Variants in DLG2 observed in about 807,000 individuals in gnomAD.
The protein encoded by DLG2 is disks large homolog 2.
DLG2 carries 45 observed loss-of-function variants against 132.5 expected under a neutral mutation model. That is an observed-to-expected ratio of 0.34 (90% CI 0.27 to 0.44). DLG2 has a LOEUF of 0.44. Among genes scored for constraint, DLG2 ranks in the 20% least tolerant of loss-of-function variants. The pLI, the probability that DLG2 is intolerant of heterozygous loss-of-function variation, is 1.00. For missense variants in DLG2, 1,045 were observed against 1,196.9 expected (o/e 0.87, Z 1.87); for synonymous variants, 424 against 419.6 (o/e 1.01, Z -0.13).
At chr11:83,483,067 A>C (rs1396819879) in intron 22 of DLG2, among the ~76,000 whole-genome samples, 2 of 152,154 alleles carry the variant, frequency 1.3e-5, no homozygotes, top group Non-Finnish European at 2.9e-5. Context: ...TTTGCTTTTA[A>C]ATGCTGACAT....
intron 9 of DLG2, among the ~76,000 whole-genome samples, chr11:84,153,066 G>A (rs1366390038): frequency 6.6e-6 from 1 of 152,110 alleles, no homozygotes; most frequent in Non-Finnish European, 1.5e-5. Flanking sequence ...ACGCTTGTCT[G>A]GAAAGGATTT....
At chr11:84,974,390 G>A (rs925537739) in intron 6 of DLG2, among the ~76,000 whole-genome samples, 1 of 152,158 alleles carries the variant, frequency 6.6e-6, no homozygotes, top group Non-Finnish European at 1.5e-5. Flanking sequence ...CTATTAATGT[G>A]ATCTTAGGTA....
intron 6 of DLG2, among the ~76,000 whole-genome samples, chr11:85,060,892 T>C (rs1019876710): frequency 2.6e-5 from 4 of 151,460 alleles, no homozygotes; most frequent in Non-Finnish European, 5.9e-5. Flanking sequence ...TTGTTTTGTT[T>C]TTGGTTTTGC....
At chr11:83,830,932 TG>T (rs2054313663) in intron 17 of DLG2, among the ~76,000 whole-genome samples, 1 of 152,216 alleles carries the variant, frequency 6.6e-6, no homozygotes, top group East Asian at 1.9e-4. Context: ...AATGACAAAG[TG>T]GTCCGCAAGT....
At chr11:84,251,114 A>C in intron 8 of DLG2, 124 bp downstream of exon 8, 1 of 552,348 alleles carries the variant, frequency 1.8e-6, no homozygotes, top group Non-Finnish European at 3.0e-6. Context: ...AAAATTTACA[A>C]AACTACATGT....
At chr11:85,073,082 A>G (rs1017083341) in intron 6 of DLG2, among the ~76,000 whole-genome samples, 2 of 151,890 alleles carry the variant, frequency 1.3e-5, no homozygotes, top group Admixed American at 1.3e-4. Flanking sequence ...GCCAAAACAC[A>G]TTTTATCATA....
chr11:83,746,326 T>C (rs986770785), intron 18 of DLG2, among the ~76,000 whole-genome samples: 19 of 152,166 alleles, frequency 1.2e-4, no homozygotes, highest in Non-Finnish European at 2.4e-4. Context: ...TGGAACCAAC[T>C]CAAATGTCCA....
At chr11:84,824,915 G>A (rs2078150192) in intron 6 of DLG2, among the ~76,000 whole-genome samples, 1 of 151,844 alleles carries the variant, frequency 6.6e-6, no homozygotes, top group African/African-American at 2.4e-5. Flanking sequence ...TTAAGCATTT[G>A]TTCTCCACGA....
At chr11:85,165,180 G>A (rs1037603556) in intron 4 of DLG2, among the ~76,000 whole-genome samples, 2 of 152,192 alleles carry the variant, frequency 1.3e-5, no homozygotes, top group African/African-American at 4.8e-5. Flanking sequence ...AACAAGTGCA[G>A]TCTCTAGTCA....
chr11:83,616,452 C>T (rs1355132794), intron 19 of DLG2, among the ~76,000 whole-genome samples: 1 of 152,022 alleles, frequency 6.6e-6, no homozygotes, highest in East Asian at 1.9e-4. Context: ...TTTACATATC[C>T]TCTTTTAAGA....
chr11:83,601,507 G>GTTTTT (rs1365389170), intron 19 of DLG2, among the ~76,000 whole-genome samples: 2 of 51,398 alleles, frequency 3.9e-5, no homozygotes, highest in African/African-American at 7.4e-5. Context: ...AATATGTGAT[G>GTTTTT]TTCTTTTTTT....
At chr11:84,037,051 C>T (rs893530049) in intron 11 of DLG2, among the ~76,000 whole-genome samples, 1 of 152,084 alleles carries the variant, frequency 6.6e-6, no homozygotes, top group African/African-American at 2.4e-5. Context: ...GGTAGAAATA[C>T]ATATGACAGA....
In DLG2 at chr11:84,198,541, G is replaced by A. The variant is rs1030649943; in HGVS notation, c.574-35030C>T. Reference sequence around the variant, plus strand: ...TACTATTACAATGTTATATTTACCAGGTAATGTAATGTCAAAATACCAAAA... The same window carrying A: ...TACTATTACAATGTTATATTTACCAAGTAATGTAATGTCAAAATACCAAAA... On this transcript the variant is annotated intron_variant, in intron 8 of 27. Transcript: ENST00000376104. 3.3e-5 allele frequency among the ~76,000 whole-genome samples: 5 copies of A among 152,096 alleles called. 1 individual carries two copies. Among genetic ancestry groups the A allele is most frequent in the African/African-American group, 1.2e-4 (5 of 41,434 alleles).
intron 7 of DLG2, among the ~76,000 whole-genome samples, chr11:84,467,467 T>C (rs935716280): frequency 6.6e-6 from 1 of 151,326 alleles, no homozygotes; most frequent in African/African-American, 2.4e-5. Context: ...ACGCTAATAA[T>C]TGGTGAATAA....
intron 11 of DLG2, among the ~76,000 whole-genome samples, chr11:84,007,914 A>C (rs910801590): frequency 6.6e-6 from 1 of 151,818 alleles, no homozygotes; most frequent in Non-Finnish European, 1.5e-5. Context: ...TATAAGTTCC[A>C]GTATTGAAAG....
chr11:84,380,009 A>G (rs1026939005), intron 7 of DLG2, among the ~76,000 whole-genome samples: 4 of 152,106 alleles, frequency 2.6e-5, no homozygotes, highest in African/African-American at 7.2e-5. Flanking sequence ...GATGGAATCT[A>G]TAAGAGAGTA....
chr11:83,959,008 A>C (rs987909445), intron 14 of DLG2, among the ~76,000 whole-genome samples: 2 of 152,140 alleles, frequency 1.3e-5, no homozygotes, highest in Non-Finnish European at 2.9e-5. Context: ...CTGAGACAAA[A>C]ACAATCTCAG....
intron 18 of DLG2, among the ~76,000 whole-genome samples, chr11:83,770,265 G>GTTTTTTTTTTTTTTTTTTTTTT (rs71066064): frequency 1.3e-3 from 162 of 128,598 alleles, no homozygotes; most frequent in Middle Eastern, 4.2e-3. Context: ...GTTTTTTTTT[G>GTTTTTTTTTTTTTTTTTTTTTT]TTTTTTTGCT....
At chr11:84,407,786 T>C (rs893958403) in intron 7 of DLG2, among the ~76,000 whole-genome samples, 1 of 152,252 alleles carries the variant, frequency 6.6e-6, no homozygotes, top group African/African-American at 2.4e-5. Flanking sequence ...GTTGCACCGA[T>C]AGCCTGTGGT....
Sources: gnomAD v4.1 joint callset for allele counts (sites outside exome capture counted in the v4.1 genomes callset) on GRCh38, gnomAD v4.1.1 for gene constraint, MANE v1.5 for transcripts, NCBI Gene and HGNC (gene_info 2026-07-23, HGNC 2026-07-21) for gene names.